DLGAP1: variants seen among roughly 807,000 people sequenced by gnomAD.
DLGAP1 encodes the protein disks large-associated protein 1.
In DLGAP1, 11 loss-of-function variants were observed where a neutral mutation model predicts 90.8. The observed-to-expected ratio is 0.12, with a 90% CI of 0.08 to 0.20. The LOEUF (loss-of-function observed/expected upper bound fraction) is 0.20. Ranked by LOEUF, DLGAP1 falls within the 10% of genes least tolerant of loss-of-function variation. The pLI is 1.00. For missense variants in DLGAP1, 1,050 were observed against 1,333.8 expected, an observed-to-expected ratio of 0.79 and a Z score of 3.31; for synonymous variants, 558 against 540.7, an observed-to-expected ratio of 1.03 and a Z score of -0.44.
intron 1 of DLGAP1, among the ~76,000 whole-genome samples, chr18:4,179,044 TA>T (rs1399900899): frequency 6.6e-6 from 1 of 152,158 alleles, no homozygotes; most frequent in Non-Finnish European, 1.5e-5. Context: ...CCTAAAACAA[TA>T]AAACATTTAC....
At chr18:3,713,986 C>A (rs1025278459) in intron 7 of DLGAP1, among the ~76,000 whole-genome samples, 3 of 152,248 alleles carry the variant, frequency 2.0e-5, no homozygotes, top group Non-Finnish European at 2.9e-5. Flanking sequence ...CAGCATCGTC[C>A]GAGGATGTGC....
intron 5 of DLGAP1, among the ~76,000 whole-genome samples, chr18:3,764,245 G>T (rs2064111469): frequency 6.6e-6 from 1 of 152,172 alleles, no homozygotes; most frequent in East Asian, 1.9e-4. Context: ...AATTTCTGTA[G>T]TCTTAACCAT....
chr18:3,602,557 C>T (rs577732555), intron 7 of DLGAP1, among the ~76,000 whole-genome samples: 441 of 140,518 alleles, frequency 3.1e-3, no homozygotes, highest in Middle Eastern at 7.3e-3. Flanking sequence ...ATCGCGCCAC[C>T]GCACTCCAGC....
intron 2 of DLGAP1, among the ~76,000 whole-genome samples, chr18:4,083,646 C>T (rs985149512): frequency 6.6e-6 from 1 of 152,140 alleles, no homozygotes; most frequent in Non-Finnish European, 1.5e-5. Flanking sequence ...AAAGTTACTT[C>T]GTGAAACTAG....
At chr18:3,834,305 CAAAAAAAAAAAA>C (rs35630074) in intron 4 of DLGAP1, among the ~76,000 whole-genome samples, 7 of 33,166 alleles carry the variant, frequency 2.1e-4, no homozygotes, top group African/African-American at 7.3e-4. Context: ...GACTCTGTCT[CAAAAAAAAAAAA>C]AAAAAAAAAA....
intron 7 of DLGAP1, among the ~76,000 whole-genome samples, chr18:3,639,217 G>T (rs531099986): frequency 6.6e-6 from 1 of 152,060 alleles, no homozygotes; most frequent in East Asian, 1.9e-4. Flanking sequence ...TTAGCCAGGC[G>T]TGGTGGTGGG....
At chr18:3,637,165 T>C (rs2058748678) in intron 7 of DLGAP1, among the ~76,000 whole-genome samples, 1 of 152,038 alleles carries the variant, frequency 6.6e-6, no homozygotes, top group African/African-American at 2.4e-5. Flanking sequence ...ATCCTTTTGA[T>C]TGTTGTAAAA....
intron 3 of DLGAP1, among the ~76,000 whole-genome samples, chr18:3,991,423 T>G (rs1048400729): frequency 2.6e-5 from 4 of 152,230 alleles, no homozygotes; most frequent in Non-Finnish European, 5.9e-5. Context: ...CTTATGCTAA[T>G]GAGGAAGCTT....
Position 3,879,300 on chromosome 18 carries a change from C to A in DLGAP1, c.769G>T (p.Val257Phe). The change falls in exon 4 of 13, where the codon GTC becomes TTC. Residue 257 changes from valine to phenylalanine, a missense_variant. Around this residue, in one of 2 missense-constraint regions of DLGAP1, gnomAD observed 485 missense variants for 454.1 expected, o/e 1.07. Coordinates refer to ENST00000315677, the MANE Select transcript of DLGAP1 (RefSeq NM_004746.4). This position sits in a 1 kb window ranked among gnomAD's most constrained non-coding sequence, Gnocchi z 6.6. ...AGGTTGGCGCAGGTGGAGCACTTGA[C>A]GTCGTTGTTGCTCCGGGAGGCCTTC... is the stretch of plus-strand genomic sequence containing the variant. Reference protein sequence around the residue: ...AVKASRSNNDVKCSTCANLPV... With the variant: ...AVKASRSNNDFKCSTCANLPV... 1 of 1,596,316 alleles carries A rather than the reference C, an allele frequency of 6.3e-7. No homozygotes were observed. Among genetic ancestry groups the A allele is most frequent in the Non-Finnish European group, 8.5e-7 (1 of 1,170,946 alleles).
At chr18:3,758,500 C>A (rs914377085) in intron 5 of DLGAP1, among the ~76,000 whole-genome samples, 1 of 152,216 alleles carries the variant, frequency 6.6e-6, no homozygotes, top group African/African-American at 2.4e-5. Flanking sequence ...CAGGGTCTAA[C>A]TCAAAGCCAC....
intron 4 of DLGAP1, among the ~76,000 whole-genome samples, chr18:3,837,216 T>C (rs1382162318): frequency 6.6e-6 from 1 of 152,244 alleles, no homozygotes; most frequent in Non-Finnish European, 1.5e-5. Flanking sequence ...TGTTATTTTC[T>C]TTCTTCTTTT....
intron 3 of DLGAP1, among the ~76,000 whole-genome samples, chr18:3,885,937 C>T (rs2071301615): frequency 6.6e-6 from 1 of 152,118 alleles, no homozygotes; most frequent in Admixed American, 6.5e-5. Context: ...ATTTATTAGA[C>T]CCAAGGAAAA....
intron 7 of DLGAP1, among the ~76,000 whole-genome samples, chr18:3,680,767 A>C (rs887751219): frequency 6.8e-6 from 1 of 147,666 alleles, no homozygotes. Flanking sequence ...CCAGCCTGGA[A>C]GACAGAGCGA....
chr18:3,731,729 ATTC>A (rs2062439289), intron 6 of DLGAP1, among the ~76,000 whole-genome samples: 1 of 152,120 alleles, frequency 6.6e-6, no homozygotes, highest in Non-Finnish European at 1.5e-5. Flanking sequence ...TCTTAACAGA[ATTC>A]TTCTTCATTC....
intron 1 of DLGAP1, among the ~76,000 whole-genome samples, chr18:4,175,976 A>G (rs1347646099): frequency 3.3e-5 from 5 of 152,222 alleles, no homozygotes; most frequent in Admixed American, 1.3e-4. Context: ...AGTCAGTGGT[A>G]GGTTGATTGT....
intron 3 of DLGAP1, among the ~76,000 whole-genome samples, chr18:3,964,883 T>C (rs771180628): frequency 2.1e-4 from 32 of 152,282 alleles, no homozygotes; most frequent in Non-Finnish European, 4.1e-4. Context: ...TTGGTTTTGA[T>C]TGGGATGAAC....
intron 1 of DLGAP1, among the ~76,000 whole-genome samples, chr18:4,363,687 A>G (rs2081684864): frequency 6.6e-6 from 1 of 152,242 alleles, no homozygotes; most frequent in Non-Finnish European, 1.5e-5. Context: ...AGAGAAATGC[A>G]AATTAAAACC....
At chr18:4,051,200 T>G (rs2075129281) in intron 2 of DLGAP1, among the ~76,000 whole-genome samples, 1 of 152,184 alleles carries the variant, frequency 6.6e-6, no homozygotes, top group African/African-American at 2.4e-5. Context: ...TGGATCTTAG[T>G]TACCCTATTT....
chr18:3,783,810 A>T, intron 5 of DLGAP1, among the ~76,000 whole-genome samples: 1 of 152,228 alleles, frequency 6.6e-6, no homozygotes, highest in Admixed American at 6.5e-5. Flanking sequence ...AAAAAGCAAT[A>T]TCCTTTGGAA....
Sources: allele counts gnomAD v4.1 joint callset (sites outside exome capture counted in the v4.1 genomes callset), GRCh38; gene constraint gnomAD v4.1.1; regional missense constraint gnomAD v4.1.1; non-coding constraint Gnocchi (gnomAD v3.1); transcripts MANE v1.5; gene names NCBI Gene and HGNC (gene_info 2026-07-23, HGNC 2026-07-21).